PPFIA3: variants seen among roughly 807,000 people sequenced by gnomAD.
PPFIA3 encodes the protein liprin-alpha-3.
A neutral mutation model predicts 145.8 loss-of-function variants in PPFIA3; 26 were observed. The ratio of observed to expected loss-of-function variants is 0.18; its 90% CI spans 0.13 to 0.25. The LOEUF is 0.25. Among genes scored for constraint, PPFIA3 ranks in the 10% least tolerant of loss-of-function variants. PPFIA3 has a pLI of 1.00. For synonymous variants in PPFIA3, 645 were observed against 661.4 expected (o/e 0.98, Z 0.38); for missense variants, 1,008 against 1,587.8 (o/e 0.63, Z 6.21).
Position 49,128,132 on chromosome 19 carries a change from CG to C in PPFIA3, c.240+23del. 3.1e-6 allele frequency: 1 copy of C among 320,752 alleles called. No homozygotes were observed. Among genetic ancestry groups the C allele is most frequent in the South Asian group, 2.7e-5 (1 of 36,576 alleles). The allele number at this position is 320,752 out of a possible 1,614,324, so 19.9% of individuals were successfully genotyped here. A position where few individuals can be genotyped will look rare whatever the true frequency, so the allele number is the denominator to read the frequency against. On this transcript the variant is annotated intron_variant, in intron 2 of 29. Transcript: ENST00000334186. This position sits in a 1 kb window ranked among gnomAD's most constrained non-coding sequence, Gnocchi z 4.1. ...GCCCCAGGTCTGGGCGGGACAGGGG[CG>C]GGGCATGAGGGGGCGGGGCCTCGGG...
Position 49,120,422 on chromosome 19 carries a change from G to C in PPFIA3, c.-16+700G>C, listed in dbSNP as rs2040923141. On this transcript the variant is annotated intron_variant, in intron 1 of 29. Coordinates refer to ENST00000334186, the MANE Select transcript of PPFIA3 (RefSeq NM_003660.4). The surrounding 1 kb of genome is among the most constrained non-coding windows in gnomAD (Gnocchi z 4.6). ...ACTCCAGCTGCTCCCTGAGGATCCA[G>C]GGCTTCTGAATTTTCCTATTCTGGT... is the stretch of plus-strand genomic sequence containing the variant. Among the ~76,000 whole-genome samples the C allele has an allele frequency of 6.6e-6, 1 of 152,162 alleles. No homozygotes were observed. The highest frequency in any genetic ancestry group is 1.5e-5 in the Non-Finnish European group (1 of 68,006).
chr19:49,145,755 C>T (rs570954710), intron 21 of PPFIA3, 188 bp from the exon 22 acceptor site: 1 of 614,934 alleles, frequency 1.6e-6, no homozygotes, highest in Admixed American at 2.8e-5. Flanking sequence ...TGTTCAACTC[C>T]AAAGTCACAT....
Position 49,128,396 on chromosome 19 carries a change from C to T in PPFIA3, c.270C>T (p.Asn90=), listed in dbSNP as rs149604308. Reference sequence around the variant, plus strand: ...TTGCAGCTCTGACGAAGGAGCTGAACTTATGTCGGGAGCAGCTGCTGGAGA... The same window carrying T: ...TTGCAGCTCTGACGAAGGAGCTGAATTTATGTCGGGAGCAGCTGCTGGAGA... ...QEFAALTKEL[N]LCREQLLERE... is the part of the protein sequence containing the mutation. Residue 90 remains asparagine, a synonymous_variant, in exon 3 of 30, where the codon AAC becomes AAT. Coordinates refer to ENST00000334186, the MANE Select transcript of PPFIA3 (RefSeq NM_003660.4). This position sits in a 1 kb window ranked among gnomAD's most constrained non-coding sequence, Gnocchi z 4.1. 937 of 1,613,228 alleles carry T rather than the reference C, an allele frequency of 5.8e-4. 4 individuals carry two copies. The African/African-American group carries it at 0.011, about 19-fold the overall frequency.
intron 11 of PPFIA3, 28 bp downstream of exon 11, chr19:49,134,193 CG>C (rs752310779): frequency 6.4e-7 from 1 of 1,565,344 alleles, no homozygotes; most frequent in South Asian, 1.2e-5. Flanking sequence ...GACTGCGGGA[CG>C]CGGAATTCCG....
In PPFIA3 at chr19:49,134,921, A is replaced by G; in HGVS notation, c.1520+6A>G. 1 of 1,556,032 alleles carries G rather than the reference A, an allele frequency of 6.4e-7. No individual in the cohort carries two copies. The highest frequency in any genetic ancestry group is 2.3e-5 in the East Asian group (1 of 44,410). On this transcript the variant is annotated splice_donor_region_variant and intron_variant, in intron 13 of 29. Transcript: ENST00000334186. ...CCACCATCCTCCTACTCCAGGTGAC[A>G]GCAGCCCTTCTGCCCTGCCCCCACC... is the stretch of plus-strand genomic sequence containing the variant.
At chr19:49,146,323 C>A in intron 23 of PPFIA3, 131 bp downstream of exon 23, 3 of 1,210,340 alleles carry the variant, frequency 2.5e-6, no homozygotes, top group Non-Finnish European at 3.5e-6. Context: ...CTGCGCCAAG[C>A]TTGGCTCTGG....
At chr19:49,131,335 ATTTTTTT>A (rs10553520) in intron 7 of PPFIA3, among the ~76,000 whole-genome samples, 20 of 108,446 alleles carry the variant, frequency 1.8e-4, no homozygotes, top group East Asian at 1.3e-3. Context: ...CACCTGGCTA[ATTTTTTT>A]TTTTTTTTTT....
Position 49,150,929 on chromosome 19 carries a change from A to T in PPFIA3, c.*707A>T, listed in dbSNP as rs772148915. On this transcript the variant is annotated 3_prime_UTR_variant, in exon 30 of 30. Coordinates refer to ENST00000334186, the MANE Select transcript of PPFIA3 (RefSeq NM_003660.4). Reference sequence around the variant, plus strand: ...CCGCTGGGCGACGTGGCGTGGGGGCAGGGGGACGGTGGGGGAGCCCTCGCC... The same window carrying T: ...CCGCTGGGCGACGTGGCGTGGGGGCTGGGGGACGGTGGGGGAGCCCTCGCC... The T allele has an allele frequency of 1.5e-5, 3 of 200,902 alleles. No individual in the cohort carries two copies. Among genetic ancestry groups the T allele is most frequent in the Non-Finnish European group, 3.0e-5 (3 of 100,490 alleles). The allele number at this position is 200,902 out of a possible 1,614,324, so 12.4% of individuals were successfully genotyped here.
intron 28 of PPFIA3, 38 bp from the exon 29 acceptor site, chr19:49,150,042 G>A (rs145471474): frequency 2.4e-5 from 38 of 1,586,156 alleles, no homozygotes; most frequent in Non-Finnish European, 3.1e-5. Context: ...CAGGGAGGAG[G>A]GTGCTCCAGG....
chr19:49,149,155 C>T lies in PPFIA3; in HGVS notation c.3272C>T (p.Thr1091Met), dbSNP rs1302116917. ...CTGGCCTTGCTCCTGCAGATCCCCA[C>T]GCAGAATGCACAGGTGAGCTGCCGC... The part of the protein sequence containing the change: ...SDLALLLQIP[T>M]QNAQARQLLE... Residue 1091 changes from threonine to methionine, a missense_variant, in exon 26 of 30, where the codon ACG becomes ATG. Coordinates refer to ENST00000334186, the MANE Select transcript of PPFIA3 (RefSeq NM_003660.4). The surrounding 1 kb of genome is among the most constrained non-coding windows in gnomAD (Gnocchi z 5.7). 2.5e-6 allele frequency: 4 copies of T among 1,613,890 alleles called. No homozygotes were observed. Among genetic ancestry groups the T allele is most frequent in the Non-Finnish European group, 3.4e-6 (4 of 1,179,954 alleles).
intron 7 of PPFIA3, among the ~76,000 whole-genome samples, chr19:49,132,183 T>A (rs1222210581): frequency 2.0e-5 from 3 of 146,512 alleles, no homozygotes; most frequent in Non-Finnish European, 4.5e-5. Context: ...AGGTCAGGAG[T>A]TCAAGACTAG....
intron 10 of PPFIA3, 25 bp from the exon 11 acceptor site, chr19:49,134,009 A>G: frequency 6.2e-7 from 1 of 1,606,892 alleles, no homozygotes; most frequent in Non-Finnish European, 8.5e-7. Context: ...GGGCTTAACA[A>G]CCCGCCCCGC....
intron 1 of PPFIA3, among the ~76,000 whole-genome samples, chr19:49,125,933 G>GA (rs2040991378): frequency 1.3e-5 from 2 of 149,226 alleles, no homozygotes; most frequent in South Asian, 4.2e-4. Context: ...TATTTTTTTT[G>GA]TTTTTTTTTG....
Position 49,149,624 on chromosome 19 carries a change from C to G in PPFIA3, c.3432C>G (p.Pro1144=), listed in dbSNP as rs746842756. Residue 1144 remains proline, a synonymous_variant, in exon 28 of 30, where the codon CCC becomes CCG. Coordinates refer to ENST00000334186, the MANE Select transcript of PPFIA3 (RefSeq NM_003660.4). This position sits in a 1 kb window ranked among gnomAD's most constrained non-coding sequence, Gnocchi z 5.7. ...FREKDLRGVT[P]DSAEMLPPNF... ...AGAAGGACCTCCGAGGCGTAACTCC[C>G]GACTCAGCTGAGATGTTGCCCCCCA... 5 of 1,614,202 alleles carry G rather than the reference C, an allele frequency of 3.1e-6. No homozygotes were observed. The highest frequency in any genetic ancestry group is 3.4e-6 in the Non-Finnish European group (4 of 1,180,046).
chr19:49,138,816 C>A (rs1485222830), intron 16 of PPFIA3, among the ~76,000 whole-genome samples: 1 of 151,974 alleles, frequency 6.6e-6, no homozygotes, highest in Non-Finnish European at 1.5e-5. Context: ...ACTAAAAATA[C>A]AAAAATTAGC....
intron 1 of PPFIA3, among the ~76,000 whole-genome samples, chr19:49,126,502 C>A (rs988601673): frequency 2.0e-5 from 3 of 151,316 alleles, no homozygotes; most frequent in African/African-American, 7.3e-5. Context: ...CTGCCCATCT[C>A]GGCCTCCCAA....
At position 49,128,684 on chromosome 19, in the gene PPFIA3, C is replaced by G; in HGVS notation, c.343-164C>G. Reference sequence around the variant, plus strand: ...ATAACTTTTCTCTTTTCTGTACCACCGGTTCCTTGACCCCGACCTCCTCTC... The same window carrying G: ...ATAACTTTTCTCTTTTCTGTACCACGGGTTCCTTGACCCCGACCTCCTCTC... On this transcript the variant is annotated intron_variant, in intron 3 of 29. Transcript: ENST00000334186. The surrounding 1 kb of genome is among the most constrained non-coding windows in gnomAD (Gnocchi z 4.1). 1 of 796,044 alleles carries G rather than the reference C, an allele frequency of 1.3e-6. No homozygotes were observed. Among genetic ancestry groups the G allele is most frequent in the Admixed American group, 2.8e-5 (1 of 35,554 alleles). The allele number at this position is 796,044 out of a possible 1,614,324, so 49.3% of individuals were successfully genotyped here.
In PPFIA3 at chr19:49,149,674, C is replaced by A; in HGVS notation, c.3482C>A (p.Ala1161Asp). The A allele has an allele frequency of 6.2e-7, 1 of 1,613,368 alleles. No homozygotes were observed. Among genetic ancestry groups the A allele is most frequent in the Non-Finnish European group, 8.5e-7 (1 of 1,179,648 alleles). The change falls in exon 28 of 30, where the codon GCC becomes GAC. Residue 1161 changes from alanine (A) to aspartate (D), a missense_variant. Ala to Asp is a moderately radical substitution (Grantham distance 126, BLOSUM62 -2). Coordinates refer to ENST00000334186, the MANE Select transcript of PPFIA3 (RefSeq NM_003660.4). The surrounding 1 kb of genome is among the most constrained non-coding windows in gnomAD (Gnocchi z 5.7). Reference protein sequence around the residue: ...PPNFRSAAAGALGSPGLPLRK... With the variant: ...PPNFRSAAAGDLGSPGLPLRK... The stretch of plus-strand genomic sequence containing the variant: ...AACTTTCGTTCGGCTGCAGCGGGAG[C>A]CCTGGGCTCTCCGGGGCTCCCTCTC...
intron 21 of PPFIA3, 98 bp from the exon 22 acceptor site, chr19:49,145,845 C>T: frequency 9.7e-7 from 1 of 1,034,938 alleles, no homozygotes; most frequent in East Asian, 2.4e-5. Flanking sequence ...GCAGGAGGGA[C>T]ATAAACGTGT....
Sources: allele counts gnomAD v4.1 joint callset (sites outside exome capture counted in the v4.1 genomes callset), GRCh38; gene constraint gnomAD v4.1.1; non-coding constraint Gnocchi (gnomAD v3.1); transcripts MANE v1.5; gene names NCBI Gene and HGNC (gene_info 2026-07-23, HGNC 2026-07-21).